Variants in DENND1A observed in about 807,000 individuals in gnomAD.
DENND1A encodes the protein DENN domain containing 1A.
In DENND1A, 51 loss-of-function variants were observed where a neutral mutation model predicts 113.7. The ratio of observed to expected loss-of-function variants is 0.45; its 90% CI spans 0.36 to 0.57. The LOEUF is 0.57. Ranked by LOEUF, DENND1A falls within the 20% of genes least tolerant of loss-of-function variation. The pLI is 0.00. For missense variants in DENND1A, 1,258 were observed against 1,395.9 expected (o/e 0.90, Z 1.57); for synonymous variants, 565 against 570.8 (o/e 0.99, Z 0.14).
chr9:123,398,656 C>T (rs867962032), intron 21 of DENND1A, among the ~76,000 whole-genome samples: 18 of 151,166 alleles, frequency 1.2e-4, no homozygotes, highest in Middle Eastern at 7.0e-3. Context: ...GGATAACAGG[C>T]GTGAGCCACC....
In DENND1A at chr9:123,758,113, C is replaced by T. The variant is rs58657830; in HGVS notation, c.183-291G>A. Among the ~76,000 whole-genome samples, 1,237 of 152,208 alleles carry T rather than the reference C, an allele frequency of 8.1e-3. 19 individuals are homozygous for T. The highest frequency in any genetic ancestry group is 0.028 in the African/African-American group (1,179 of 41,520). ...GCTCTGTTAGTCAGCCCATCAATTC[C>T]GAAAGGTGCCCTCTATTAACCTCAT... On this transcript the variant is annotated intron_variant, in intron 4 of 23. Coordinates refer to ENST00000394215, the MANE Select transcript of DENND1A (RefSeq NM_001352964.2).
chr9:123,472,524 A>G (rs2049512722), intron 13 of DENND1A, among the ~76,000 whole-genome samples: 2 of 152,132 alleles, frequency 1.3e-5, no homozygotes, highest in Admixed American at 1.3e-4. Context: ...ACACAAAAAT[A>G]TAGCTCCTCA....
At chr9:123,793,009 C>T (rs1458074834) in intron 2 of DENND1A, among the ~76,000 whole-genome samples, 1 of 152,034 alleles carries the variant, frequency 6.6e-6, no homozygotes, top group East Asian at 1.9e-4. Context: ...CTTGATAAAC[C>T]ACCTTAAGCA....
intron 21 of DENND1A, among the ~76,000 whole-genome samples, chr9:123,392,497 G>A (rs1891642): frequency 0.56 from 84,295 of 151,746 alleles, 24,090 homozygotes; most frequent in Non-Finnish European, 0.65. Flanking sequence ...CCTCTGTCAC[G>A]TGGCTCCAGT....
chr9:123,918,728 T>A (rs555875627), intron 1 of DENND1A, among the ~76,000 whole-genome samples: 1 of 152,166 alleles, frequency 6.6e-6, no homozygotes, highest in African/African-American at 2.4e-5. Flanking sequence ...ATGGTTGATA[T>A]GGAAAAGGTT....
intron 13 of DENND1A, among the ~76,000 whole-genome samples, chr9:123,482,157 G>A (rs2050397458): frequency 6.6e-6 from 1 of 152,180 alleles, no homozygotes; most frequent in African/African-American, 2.4e-5. Context: ...GAGCGCAGTG[G>A]CGCGATCTTG....
At position 123,698,061 on chromosome 9, in the gene DENND1A, A is replaced by G. The variant is rs567307594; in HGVS notation, c.303-21272T>C. ...ACCGAGAAGATTTAACTCTATCCTT[A>G]TCATATCATACAGAATAAGCAGAAA... On this transcript the variant is annotated intron_variant, in intron 5 of 23. Coordinates refer to ENST00000394215, the MANE Select transcript of DENND1A (RefSeq NM_001352964.2). Among the ~76,000 whole-genome samples the G allele has an allele frequency of 3.3e-5, 5 of 152,334 alleles. No homozygotes were observed. In the East Asian group the frequency reaches 7.7e-4, roughly 23 times the overall value.
intron 13 of DENND1A, among the ~76,000 whole-genome samples, chr9:123,472,441 C>T (rs2049506996): frequency 6.6e-6 from 1 of 152,168 alleles, no homozygotes; most frequent in Admixed American, 6.5e-5. Context: ...TGGTTCCCCT[C>T]TTCCTCATTT....
intron 1 of DENND1A, among the ~76,000 whole-genome samples, chr9:123,885,799 C>T (rs552806380): frequency 3.3e-5 from 5 of 151,728 alleles, no homozygotes; most frequent in South Asian, 2.1e-4. Flanking sequence ...TTTTTCTTTT[C>T]GAGATAGTCT....
chr9:123,742,069 A>G (rs2069075549), intron 5 of DENND1A, among the ~76,000 whole-genome samples: 1 of 152,194 alleles, frequency 6.6e-6, no homozygotes, highest in Non-Finnish European at 1.5e-5. Context: ...GCACATACAT[A>G]AACACAAGTG....
chr9:123,490,921 G>C (rs983016506), intron 13 of DENND1A, among the ~76,000 whole-genome samples: 1 of 152,228 alleles, frequency 6.6e-6, no homozygotes, highest in Non-Finnish European at 1.5e-5. Context: ...GACAAGGCTG[G>C]AGTAGGGGTG....
At chr9:123,687,137 C>T (rs114243192) in intron 5 of DENND1A, among the ~76,000 whole-genome samples, 122 of 152,180 alleles carry the variant, frequency 8.0e-4, no homozygotes, top group African/African-American at 2.7e-3. Flanking sequence ...GAAGGAGAGA[C>T]GGGCACACAG....
chr9:123,479,059 T>G (rs1301393175), intron 13 of DENND1A, among the ~76,000 whole-genome samples: 1 of 151,948 alleles, frequency 6.6e-6, no homozygotes, highest in African/African-American at 2.4e-5. Context: ...TCAGAGAGGG[T>G]GGGGAGGTCA....
At chr9:123,791,065 A>C (rs1057297544) in intron 3 of DENND1A, among the ~76,000 whole-genome samples, 1 of 152,194 alleles carries the variant, frequency 6.6e-6, no homozygotes, top group African/African-American at 2.4e-5. Context: ...AAACTTTCAG[A>C]TATAGTAAGA....
intron 2 of DENND1A, among the ~76,000 whole-genome samples, chr9:123,872,326 A>C (rs1053458873): frequency 1.3e-5 from 2 of 152,222 alleles, no homozygotes; most frequent in African/African-American, 2.4e-5. Context: ...AGAACTTTGG[A>C]AACAACCTGA....
Position 123,379,676 on chromosome 9 carries a change from T to C in DENND1A, c.*1756A>G, listed in dbSNP as rs2042178765. The C allele has an allele frequency of 1.3e-5, 2 of 152,294 alleles. No individual in the cohort carries two copies. The highest frequency in any genetic ancestry group is 2.1e-4 in the South Asian group (1 of 4,832). 9.4% of individuals were successfully genotyped at this position (152,294 alleles called of 1,614,324 possible). A position where few individuals can be genotyped will look rare whatever the true frequency, so the allele number is the denominator to read the frequency against. On this transcript the variant is annotated 3_prime_UTR_variant, in exon 24 of 24. Transcript: ENST00000394215. ...CAGCCTCTTCCCCAAGATGATTTTA[T>C]TGAATGCACACAAAGTTCATCCTTG...
chr9:123,559,274 T>G (rs1460204755), intron 12 of DENND1A, among the ~76,000 whole-genome samples: 1 of 152,100 alleles, frequency 6.6e-6, no homozygotes, highest in Non-Finnish European at 1.5e-5. Flanking sequence ...TCCTTCATCT[T>G]GAGAGAGAAA....
chr9:123,744,019 T>C (rs2069250576), intron 5 of DENND1A, among the ~76,000 whole-genome samples: 1 of 152,202 alleles, frequency 6.6e-6, no homozygotes, highest in Non-Finnish European at 1.5e-5. Flanking sequence ...TGTGGCATTC[T>C]ATATTTGAAA....
intron 9 of DENND1A, among the ~76,000 whole-genome samples, chr9:123,642,044 GC>G (rs1457582350): frequency 6.6e-6 from 1 of 152,198 alleles, no homozygotes; most frequent in Non-Finnish European, 1.5e-5. Flanking sequence ...GAAGGTAAGA[GC>G]TAGCAGAGAG....
Sources: allele counts gnomAD v4.1 joint callset (sites outside exome capture counted in the v4.1 genomes callset), GRCh38; gene constraint gnomAD v4.1.1; transcripts MANE v1.5; gene names NCBI Gene and HGNC (gene_info 2026-07-23, HGNC 2026-07-21).